CTDSPL2: variants seen among roughly 807,000 people sequenced by gnomAD.
CTDSPL2 encodes the protein CTD small phosphatase like 2.
Under a neutral mutation model 60.0 loss-of-function variants are expected in CTDSPL2, and 5 were observed. The observed-to-expected ratio is 0.08, with a 90% confidence interval of 0.04 to 0.18. The LOEUF is 0.18. CTDSPL2 is among the 10% of genes least tolerant of loss of function. The pLI is 1.00. For synonymous variants in CTDSPL2, 186 were observed against 189.3 expected (o/e 0.98, Z 0.14); for missense variants, 370 against 548.8 (o/e 0.67, Z 3.26).
intron 1 of CTDSPL2, among the ~76,000 whole-genome samples, chr15:44,443,960 T>C (rs1258817854): frequency 1.3e-5 from 2 of 152,130 alleles, no homozygotes; most frequent in African/African-American, 4.8e-5. Context: ...TGGAGTGTAG[T>C]GGTGCACTTG....
intron 4 of CTDSPL2, among the ~76,000 whole-genome samples, chr15:44,486,986 C>T (rs1023948246): frequency 1.3e-5 from 2 of 152,108 alleles, no homozygotes; most frequent in Non-Finnish European, 2.9e-5. Context: ...AGGCTGGTCT[C>T]AAACTCTTGA....
intron 8 of CTDSPL2, among the ~76,000 whole-genome samples, chr15:44,508,912 C>A (rs1048754390): frequency 1.3e-5 from 2 of 151,840 alleles, no homozygotes; most frequent in African/African-American, 4.8e-5. Flanking sequence ...AGTGAGACTC[C>A]ATCTCAAAAA....
intron 1 of CTDSPL2, among the ~76,000 whole-genome samples, chr15:44,446,536 A>G (rs1056167683): frequency 2.0e-5 from 3 of 151,998 alleles, no homozygotes; most frequent in Non-Finnish European, 2.9e-5. Flanking sequence ...AGGCCAAGGC[A>G]GGAGAACTGC....
intron 2 of CTDSPL2, among the ~76,000 whole-genome samples, chr15:44,470,277 C>T (rs1425418610): frequency 6.6e-6 from 1 of 151,460 alleles, no homozygotes; most frequent in East Asian, 1.9e-4. Flanking sequence ...TATTTATAAG[C>T]GTATGACTTG....
chr15:44,427,728 G>A lies in CTDSPL2; in HGVS notation c.-69G>A. Reference sequence around the variant, plus strand: ...AAGACACCACACATTGCGCAGTCGGGACCATCGCCGGAGCCTGAGGACACT... The same window carrying A: ...AAGACACCACACATTGCGCAGTCGGAACCATCGCCGGAGCCTGAGGACACT... On this transcript the variant is annotated 5_prime_UTR_variant, in exon 1 of 13. Coordinates refer to ENST00000260327, the MANE Select transcript of CTDSPL2 (RefSeq NM_016396.3). The A allele has an allele frequency of 2.5e-6, 1 of 399,310 alleles. No homozygotes were observed. Among genetic ancestry groups the A allele is most frequent in the Non-Finnish European group, 4.4e-6 (1 of 226,260 alleles). 24.7% of individuals were successfully genotyped at this position (399,310 alleles called of 1,614,324 possible). A position where few individuals can be genotyped will look rare whatever the true frequency, so the allele number is the denominator to read the frequency against.
At chr15:44,497,177 G>A in intron 7 of CTDSPL2, 39 bp downstream of exon 7, 3 of 1,134,150 alleles carry the variant, frequency 2.6e-6, no homozygotes, top group South Asian at 3.0e-5. Flanking sequence ...GAATAAAGGG[G>A]TGAAATTCTT....
intron 2 of CTDSPL2, among the ~76,000 whole-genome samples, chr15:44,473,683 T>C (rs2080856827): frequency 6.6e-6 from 1 of 152,222 alleles, no homozygotes; most frequent in Non-Finnish European, 1.5e-5. Flanking sequence ...AGGTAAGAAG[T>C]CATCTTCATT....
At chr15:44,490,372 C>T (rs2081194096) in intron 4 of CTDSPL2, among the ~76,000 whole-genome samples, 1 of 152,168 alleles carries the variant, frequency 6.6e-6, no homozygotes, top group African/African-American at 2.4e-5. Context: ...CTCAAGCAAT[C>T]TGCTTGCCTC....
intron 2 of CTDSPL2, among the ~76,000 whole-genome samples, chr15:44,476,990 G>C (rs1027547291): frequency 3.3e-5 from 5 of 152,238 alleles, no homozygotes; most frequent in Non-Finnish European, 5.9e-5. Flanking sequence ...TTGGAAGGCT[G>C]TGGTGAAAGG....
chr15:44,469,658 A>G (rs2080765339), intron 2 of CTDSPL2, among the ~76,000 whole-genome samples: 1 of 152,046 alleles, frequency 6.6e-6, no homozygotes, highest in Admixed American at 6.6e-5. Flanking sequence ...TGAATGTTCT[A>G]TATGTATTTG....
intron 2 of CTDSPL2, among the ~76,000 whole-genome samples, chr15:44,482,325 A>G (rs1352893485): frequency 2.6e-5 from 4 of 152,166 alleles, no homozygotes; most frequent in East Asian, 3.8e-4. Flanking sequence ...TGTTAGTGCT[A>G]TGGTTACAAA....
At position 44,486,640 on chromosome 15, in the gene CTDSPL2, A is replaced by G. The variant is rs781299275; in HGVS notation, c.415A>G (p.Thr139Ala). The G allele has an allele frequency of 3.1e-6, 5 of 1,597,206 alleles. No individual in the cohort carries two copies. The highest frequency in any genetic ancestry group is 3.5e-5 in the Admixed American group (2 of 57,242). The stretch of plus-strand genomic sequence containing the variant: ...TTCCTCTGGCAGTCCTCCAAGGACT[A>G]CTTTGTTGGGGACCATATTTTCACC... ...NPSSGSPPRTTLLGTIFSPVF... is the reference protein window; with the variant it reads ...NPSSGSPPRTALLGTIFSPVF... Residue 139 changes from threonine to alanine, a missense_variant, in exon 4 of 13, where the codon ACT (threonine) becomes GCT (alanine). Thr to Ala is a moderately conservative substitution (Grantham distance 58). Transcript: ENST00000260327.
chr15:44,429,270 T>G (rs1182439458), intron 1 of CTDSPL2, among the ~76,000 whole-genome samples: 2 of 152,174 alleles, frequency 1.3e-5, no homozygotes, highest in Non-Finnish European at 2.9e-5. Flanking sequence ...GCTTCATACT[T>G]TCCTAAGGCG....
At chr15:44,452,766 T>G (rs542177635) in intron 1 of CTDSPL2, among the ~76,000 whole-genome samples, 1 of 152,256 alleles carries the variant, frequency 6.6e-6, no homozygotes, top group African/African-American at 2.4e-5. Flanking sequence ...ACCTTTGGGG[T>G]TTTAACTTAA....
chr15:44,459,483 G>C (rs566103165), intron 2 of CTDSPL2, among the ~76,000 whole-genome samples: 1 of 152,042 alleles, frequency 6.6e-6, no homozygotes, highest in Non-Finnish European at 1.5e-5. Flanking sequence ...AGCCGAGATC[G>C]CACCACTGCA....
intron 12 of CTDSPL2, among the ~76,000 whole-genome samples, chr15:44,522,965 A>G (rs1453655993): frequency 6.6e-6 from 1 of 151,920 alleles, no homozygotes; most frequent in Non-Finnish European, 1.5e-5. Flanking sequence ...CTTTGGCAGG[A>G]TGTAGTGGTG....
intron 1 of CTDSPL2, among the ~76,000 whole-genome samples, chr15:44,457,832 G>A (rs1175484720): frequency 6.6e-6 from 1 of 152,318 alleles, no homozygotes. Flanking sequence ...GGCTAGTCTG[G>A]AACTCCTGAC....
intron 2 of CTDSPL2, among the ~76,000 whole-genome samples, chr15:44,482,493 AG>A (rs1712689500): frequency 6.6e-6 from 1 of 152,068 alleles, no homozygotes; most frequent in African/African-American, 2.4e-5. Context: ...TTTCAGGGGG[AG>A]GCTAGGACTT....
At chr15:44,476,735 G>A (rs2080924364) in intron 2 of CTDSPL2, among the ~76,000 whole-genome samples, 1 of 152,152 alleles carries the variant, frequency 6.6e-6, no homozygotes, top group Non-Finnish European at 1.5e-5. Flanking sequence ...CTTGGTTTGT[G>A]TAAATACGCT....
Sources: allele counts gnomAD v4.1 joint callset (sites outside exome capture counted in the v4.1 genomes callset), GRCh38; gene constraint gnomAD v4.1.1; transcripts MANE v1.5; gene names NCBI Gene and HGNC (gene_info 2026-07-23, HGNC 2026-07-21).